NR2F2: variants seen among roughly 807,000 people sequenced by gnomAD.
The protein encoded by NR2F2 is nuclear receptor subfamily 2 group F member 2, also known as COUP transcription factor 2.
Under a neutral mutation model 34.8 loss-of-function variants are expected in NR2F2, and 2 were observed. The ratio of observed to expected loss-of-function variants is 0.06; its 90% confidence interval spans 0.02 to 0.18. The LOEUF (loss-of-function observed/expected upper bound fraction) is 0.18. Ranked by LOEUF, NR2F2 falls within the 10% of genes least tolerant of loss-of-function variation. NR2F2 has a pLI of 1.00. For synonymous variants in NR2F2, 274 were observed against 251.8 expected, an observed-to-expected ratio of 1.09 and a Z score of -0.84; for missense variants, 300 against 580.1, an observed-to-expected ratio of 0.52 and a Z score of 4.96.
At chr15:96,333,583 G>GCATGCTTCGCCCATGTCCGCC in intron 1 of NR2F2, 1 of 1,011,900 alleles carries the variant, frequency 9.9e-7, no homozygotes, top group Admixed American at 5.1e-5. Flanking sequence ...CCGCCGGGCT[G>GCATGCTTCGCCCATGTCCGCC]GGGCTGGGGC....
At chr15:96,328,404 G>C (rs1899046530), upstream of NR2F2, among the ~76,000 whole-genome samples, 1 of 152,164 alleles carries the variant, frequency 6.6e-6, no homozygotes, top group Non-Finnish European at 1.5e-5. Context: ...TCTCATTCAG[G>C]AGGTGAGATG....
chr15:96,330,092 T>A (rs1383382622), upstream of NR2F2, among the ~76,000 whole-genome samples: 2 of 152,098 alleles, frequency 1.3e-5, no homozygotes, highest in Non-Finnish European at 2.9e-5. Context: ...GCCTACAAGC[T>A]CAGTTCGTGG....
intron 1 of NR2F2, among the ~76,000 whole-genome samples, chr15:96,332,784 T>C (rs1194262633): frequency 1.3e-5 from 2 of 152,134 alleles, no homozygotes; most frequent in African/African-American, 2.4e-5. Context: ...TTCCTTTGCA[T>C]TGATTGTGAG....
rs1194232218 is a variant in NR2F2, at chr15:96,339,859, G to GGA, written c.*2238_*2239insAG. The GGA allele has an allele frequency of 8.7e-6, 1 of 114,938 alleles. No individual in the cohort carries two copies. The highest frequency in any genetic ancestry group is 1.6e-5 in the Non-Finnish European group (1 of 63,384). The allele number at this position is 114,938 out of a possible 1,614,324, so 7.1% of individuals were successfully genotyped here. A position where few individuals can be genotyped will look rare whatever the true frequency, so the allele number is the denominator to read the frequency against. On this transcript the variant is annotated 3_prime_UTR_variant, in exon 3 of 3. Transcript: ENST00000394166. The stretch of plus-strand genomic sequence containing the variant: ...TGTTGTGGTTTAATTCTAATTGGTG[G>GGA]GGGGGGGGGAGGACTAGTGAGGGAG...
intron 1 of NR2F2, chr15:96,333,552 G>C: frequency 9.9e-7 from 1 of 1,011,378 alleles, no homozygotes; most frequent in Non-Finnish European, 1.2e-6. Flanking sequence ...CTCTCTGCTT[G>C]TCTCTCACTG....
chr15:96,326,273 C>T (rs534323803), upstream of NR2F2: 11 of 1,590,506 alleles, frequency 6.9e-6, no homozygotes, highest in African/African-American at 4.0e-5. This position sits in a 1 kb window ranked among gnomAD's most constrained non-coding sequence, Gnocchi z 5.5. Context: ...ATTTCACCCG[C>T]CAAACTAAAG....
intron 1 of NR2F2, chr15:96,333,570 TC>T: frequency 9.9e-7 from 1 of 1,013,674 alleles, no homozygotes; most frequent in Non-Finnish European, 1.2e-6. Context: ...CTGGGGGGGT[TC>T]CCCGCCGGGC....
rs1206050707 is a variant in NR2F2 at position 96,331,822 on chromosome 15, GC to G, written c.-278del. The G allele has an allele frequency of 2.5e-6, 3 of 1,201,262 alleles. No individual in the cohort carries two copies. Among genetic ancestry groups the G allele is most frequent in the Non-Finnish European group, 3.1e-6 (3 of 969,004 alleles). The allele number at this position is 1,201,262 out of a possible 1,614,324, so 74.4% of individuals were successfully genotyped here. ...CCTTCCCCTCCCCTCCCGGCGGAAA[GC>G]CCCCCGAAACCAACAAAGCTGAGCC... On this transcript the variant is annotated 5_prime_UTR_variant, in exon 1 of 3. Transcript: ENST00000394166.
chr15:96,333,822 G>A (rs923277768), intron 1 of NR2F2: 31 of 1,400,270 alleles, frequency 2.2e-5, no homozygotes, highest in Non-Finnish European at 2.8e-5. Context: ...GCCAATTCTG[G>A]GTCCTCGGCG....
At chr15:96,334,031 T>C in intron 1 of NR2F2, 45 bp from the exon 2 acceptor site, 1 of 1,579,820 alleles carries the variant, frequency 6.3e-7, no homozygotes, top group Admixed American at 1.7e-5. Flanking sequence ...ACCTGGGGAC[T>C]GAGGCTGGTC....
upstream of NR2F2, among the ~76,000 whole-genome samples, chr15:96,330,301 G>A (rs1036660730): frequency 2.0e-5 from 3 of 152,082 alleles, no homozygotes; most frequent in African/African-American, 4.8e-5. Flanking sequence ...TTGTGTGTGC[G>A]CGCTGCGCTA....
Position 96,338,009 on chromosome 15 carries a change from A to G in NR2F2, c.*387A>G, listed in dbSNP as rs1346122800. On this transcript the variant is annotated 3_prime_UTR_variant, in exon 3 of 3. Coordinates refer to ENST00000394166, the MANE Select transcript of NR2F2 (RefSeq NM_021005.4). Reference sequence around the variant, plus strand: ...AGTCTTTTTTTTTTCCAAATTATTAATTGTCCTGTGTCTATGTACCTCTAG... The same window carrying G: ...AGTCTTTTTTTTTTCCAAATTATTAGTTGTCCTGTGTCTATGTACCTCTAG... 1.2e-5 allele frequency: 2 copies of G among 163,916 alleles called. No individual in the cohort carries two copies. Among genetic ancestry groups the G allele is most frequent in the Admixed American group, 1.2e-4 (2 of 16,838 alleles). 10.2% of individuals were successfully genotyped at this position (163,916 alleles called of 1,614,324 possible).
intron 2 of NR2F2, 46 bp from the exon 3 acceptor site, chr15:96,337,302 C>CTTT (rs1555447453): frequency 7.1e-6 from 11 of 1,558,542 alleles, no homozygotes; most frequent in African/African-American, 1.5e-5. Context: ...TCTTCTTCTT[C>CTTT]TTCTTTTTCT....
At position 96,334,612 on chromosome 15, in the gene NR2F2, G is replaced by A. The variant is rs1257549688; in HGVS notation, c.970+9G>A. On this transcript the variant is annotated intron_variant, in intron 2 of 2. Coordinates refer to ENST00000394166, the MANE Select transcript of NR2F2 (RefSeq NM_021005.4). ...AGTCCTGTTCACCTCAGGTAGGAAGGAGCCCTGTCTTCTCGTGCCCACGGG... is the reference window on the plus strand; with the variant it reads ...AGTCCTGTTCACCTCAGGTAGGAAGAAGCCCTGTCTTCTCGTGCCCACGGG... The A allele has an allele frequency of 4.4e-6, 7 of 1,581,088 alleles. No individual in the cohort carries two copies. In the African/African-American group the frequency reaches 5.4e-5, roughly 12 times the overall value.
chr15:96,333,422 G>A (rs1295939396), intron 1 of NR2F2: 50 of 1,002,306 alleles, frequency 5.0e-5, no homozygotes, highest in Non-Finnish European at 6.0e-5. Flanking sequence ...CTCCGCTAGT[G>A]CCGGCCGCCT....
chr15:96,328,087 G>A (rs1432723893), upstream of NR2F2, among the ~76,000 whole-genome samples: 2 of 152,072 alleles, frequency 1.3e-5, no homozygotes, highest in African/African-American at 4.8e-5. Flanking sequence ...CTGTAGTCTT[G>A]TCTCTTCTTC....
Position 96,332,043 on chromosome 15 carries a change from G to A in NR2F2, c.-63G>A. 8.1e-7 allele frequency: 1 copy of A among 1,234,026 alleles called. No individual in the cohort carries two copies. The highest frequency in any genetic ancestry group is 1.0e-6 in the Non-Finnish European group (1 of 986,770). 76.4% of individuals were successfully genotyped at this position (1,234,026 alleles called of 1,614,324 possible). On this transcript the variant is annotated 5_prime_UTR_variant, in exon 1 of 3. Transcript: ENST00000394166. ...GCCGGAGCCCGAGACCCGGGGAGCC[G>A]CCGCCGCCCCGCCGCCGCCCGCAGC...
upstream of NR2F2, among the ~76,000 whole-genome samples, chr15:96,330,413 C>T (rs1440846940): frequency 1.3e-5 from 2 of 148,666 alleles, no homozygotes; most frequent in Admixed American, 6.7e-5. Context: ...GCGGCGGCGG[C>T]GGCGGCGGCG....
chr15:96,337,710 A>T lies in NR2F2; in HGVS notation c.*88A>T. ...CTTAATTTCCTTCTGTTAAGAAAGGATATAAAAGGATGTTACAAGTTTGCT... is the reference window on the plus strand; with the variant it reads ...CTTAATTTCCTTCTGTTAAGAAAGGTTATAAAAGGATGTTACAAGTTTGCT... On this transcript the variant is annotated 3_prime_UTR_variant, in exon 3 of 3. Coordinates refer to ENST00000394166, the MANE Select transcript of NR2F2 (RefSeq NM_021005.4). 1 of 1,324,294 alleles carries T rather than the reference A, an allele frequency of 7.6e-7. No homozygotes were observed. The highest frequency in any genetic ancestry group is 1.0e-6 in the Non-Finnish European group (1 of 975,640). 82.0% of individuals were successfully genotyped at this position (1,324,294 alleles called of 1,614,324 possible).
Sources: allele counts gnomAD v4.1 joint callset (sites outside exome capture counted in the v4.1 genomes callset), GRCh38; gene constraint gnomAD v4.1.1; non-coding constraint Gnocchi (gnomAD v3.1); transcripts MANE v1.5; gene names NCBI Gene and HGNC (gene_info 2026-07-23, HGNC 2026-07-21).